Variants in MACROD2 observed in about 807,000 individuals in gnomAD.
The protein encoded by MACROD2 is ADP-ribose glycohydrolase MACROD2.
A neutral mutation model predicts 70.4 loss-of-function variants in MACROD2; 36 were observed. The ratio of observed to expected loss-of-function variants is 0.51; its 90% CI spans 0.39 to 0.68. The LOEUF (loss-of-function observed/expected upper bound fraction) is 0.68. MACROD2 is among the 30% of genes least tolerant of loss of function. MACROD2 has a pLI of 0.00. For synonymous variants in MACROD2, 172 were observed against 178.8 expected (o/e 0.96, Z 0.30); for missense variants, 496 against 538.4 (o/e 0.92, Z 0.78).
intron 5 of MACROD2, among the ~76,000 whole-genome samples, chr20:15,137,628 G>A (rs1416155252): frequency 1.3e-5 from 2 of 150,722 alleles, no homozygotes; most frequent in Non-Finnish European, 3.0e-5. Context: ...GTTAATGGGT[G>A]CAGCACACCA....
At chr20:14,312,824 A>G (rs1259583587) in intron 3 of MACROD2, among the ~76,000 whole-genome samples, 1 of 152,228 alleles carries the variant, frequency 6.6e-6, no homozygotes, top group Non-Finnish European at 1.5e-5. Context: ...CCCTGCTAGT[A>G]AGTGGTAGAA....
At chr20:15,296,103 C>A (rs2077585645) in intron 6 of MACROD2, among the ~76,000 whole-genome samples, 1 of 152,194 alleles carries the variant, frequency 6.6e-6, no homozygotes, top group Non-Finnish European at 1.5e-5. Context: ...TTGTTACCTA[C>A]AACTGTCTTG....
At chr20:16,042,571 A>C (rs2067321410) in intron 16 of MACROD2, among the ~76,000 whole-genome samples, 2 of 151,996 alleles carry the variant, frequency 1.3e-5, no homozygotes, top group Admixed American at 6.6e-5. Flanking sequence ...TGGTGATGGG[A>C]TGCTTTTTAT....
chr20:15,307,348 G>A (rs1464237174), intron 6 of MACROD2, among the ~76,000 whole-genome samples: 2 of 152,114 alleles, frequency 1.3e-5, no homozygotes, highest in African/African-American at 4.8e-5. Context: ...TCTGACGAAG[G>A]TTTTTATTTT....
At chr20:14,155,418 C>T (rs1052881405) in intron 3 of MACROD2, among the ~76,000 whole-genome samples, 1 of 152,114 alleles carries the variant, frequency 6.6e-6, no homozygotes, top group Non-Finnish European at 1.5e-5. Flanking sequence ...TAAATACCTT[C>T]CCATCGGTAT....
rs139420231 is a variant in MACROD2 at position 14,498,250 on chromosome 20, C to CATTT, written c.301+4744_301+4745insTTAT. 6.8e-3 allele frequency among the ~76,000 whole-genome samples: 1,008 copies of CATTT among 148,608 alleles called. 41 individuals carry two copies. The highest frequency in any genetic ancestry group is 0.025 in the African/African-American group (936 of 38,144). On this transcript the variant is annotated intron_variant, in intron 4 of 17. Coordinates refer to ENST00000684519, the MANE Select transcript of MACROD2 (RefSeq NM_001351661.2). ...AGCCTTTGCCATTACACAATTCATCCATGTAACCATAAAACACTTGTACAC... is the reference window on the plus strand; with the variant it reads ...AGCCTTTGCCATTACACAATTCATCCATTTATGTAACCATAAAACACTTGTACAC...
intron 8 of MACROD2, among the ~76,000 whole-genome samples, chr20:15,712,670 A>T (rs2050645317): frequency 6.6e-6 from 1 of 151,938 alleles, no homozygotes; most frequent in Non-Finnish European, 1.5e-5. Context: ...CTCCATTGCC[A>T]TTTCTCCCTC....
At chr20:14,210,815 G>A (rs949939458) in intron 3 of MACROD2, among the ~76,000 whole-genome samples, 1 of 152,168 alleles carries the variant, frequency 6.6e-6, no homozygotes, top group Non-Finnish European at 1.5e-5. Flanking sequence ...GAAGCTCTAA[G>A]CTTTGGTGCT....
At chr20:15,444,233 G>T (rs1291865097) in intron 7 of MACROD2, among the ~76,000 whole-genome samples, 1 of 152,156 alleles carries the variant, frequency 6.6e-6, no homozygotes, top group Non-Finnish European at 1.5e-5. Flanking sequence ...CCATGTCATA[G>T]CATCTGTAAT....
chr20:15,836,218 C>T (rs1479767468), intron 8 of MACROD2, among the ~76,000 whole-genome samples: 4 of 152,258 alleles, frequency 2.6e-5, no homozygotes, highest in East Asian at 3.9e-4. Context: ...AGAACTGTTT[C>T]CATTTTCTAC....
At chr20:15,838,775 C>T (rs1378219211) in intron 8 of MACROD2, among the ~76,000 whole-genome samples, 1 of 152,140 alleles carries the variant, frequency 6.6e-6, no homozygotes, top group Non-Finnish European at 1.5e-5. Flanking sequence ...ATAAGACAGA[C>T]TGAACCTTTT....
At chr20:15,409,223 T>C (rs976189207) in intron 6 of MACROD2, among the ~76,000 whole-genome samples, 1 of 152,198 alleles carries the variant, frequency 6.6e-6, no homozygotes, top group Admixed American at 6.5e-5. Context: ...TCCCTCATCA[T>C]TTTTATGGTT....
chr20:14,609,485 CT>C (rs1336706015), intron 4 of MACROD2, among the ~76,000 whole-genome samples: 1 of 152,014 alleles, frequency 6.6e-6, no homozygotes, highest in Non-Finnish European at 1.5e-5. Context: ...CTTCTTTCCC[CT>C]TTTGTGTCCT....
chr20:14,800,091 C>T (rs1387019369), intron 5 of MACROD2, among the ~76,000 whole-genome samples: 1 of 151,744 alleles, frequency 6.6e-6, no homozygotes, highest in African/African-American at 2.4e-5. Context: ...TGGATGGTCC[C>T]AGTCACAGAA....
intron 3 of MACROD2, among the ~76,000 whole-genome samples, chr20:14,364,972 G>T (rs2083258487): frequency 6.6e-6 from 1 of 152,172 alleles, no homozygotes; most frequent in Admixed American, 6.5e-5. Context: ...TCAGAGTAAT[G>T]CTAGCTTCAT....
intron 2 of MACROD2, among the ~76,000 whole-genome samples, chr20:14,061,695 T>C (rs188959867): frequency 2.0e-5 from 3 of 152,280 alleles, no homozygotes; most frequent in Admixed American, 2.0e-4. Context: ...AGTTATGGAA[T>C]TTAGCATTAC....
At chr20:15,222,813 TA>T (rs756702609) in intron 5 of MACROD2, among the ~76,000 whole-genome samples, 63 of 152,352 alleles carry the variant, frequency 4.1e-4, no homozygotes, top group Non-Finnish European at 8.1e-4. Flanking sequence ...TTCATTATGC[TA>T]ATATTTTTTC....
chr20:14,518,705 G>A (rs1243483814), intron 4 of MACROD2, among the ~76,000 whole-genome samples: 1 of 151,578 alleles, frequency 6.6e-6, no homozygotes, highest in Non-Finnish European at 1.5e-5. Flanking sequence ...GGAAAGAGTG[G>A]CACCTTTATA....
At chr20:14,725,188 T>G (rs2071514410) in intron 5 of MACROD2, among the ~76,000 whole-genome samples, 1 of 152,142 alleles carries the variant, frequency 6.6e-6, no homozygotes, top group African/African-American at 2.4e-5. Context: ...GAAGCAGGTT[T>G]TGGAAGTGAT....
Sources: gnomAD v4.1 joint callset for allele counts (sites outside exome capture counted in the v4.1 genomes callset) on GRCh38, gnomAD v4.1.1 for gene constraint, MANE v1.5 for transcripts, NCBI Gene and HGNC (gene_info 2026-07-23, HGNC 2026-07-21) for gene names.